FOXL1: variants seen among roughly 807,000 people sequenced by gnomAD.
FOXL1 encodes the protein forkhead box protein L1.
Under a neutral mutation model 1.7 loss-of-function variants are expected in FOXL1, and 2 were observed. The observed-to-expected ratio is 1.21, with a 90% confidence interval of 0.49 to 3.80. The LOEUF is 3.80. FOXL1 is among the 30% of genes most tolerant of loss of function. The pLI is 0.07. For synonymous variants in FOXL1, 280 were observed against 229.3 expected (o/e 1.22, Z -2.00); for missense variants, 565 against 495.8 (o/e 1.14, Z -1.32).
At position 86,581,165 on chromosome 16, in the gene FOXL1, C is replaced by T. The variant is rs1597407024; in HGVS notation, c.*1404C>T. 1 of 167,068 alleles carries T rather than the reference C, an allele frequency of 6.0e-6. No homozygotes were observed. Among genetic ancestry groups the T allele is most frequent in the South Asian group, 2.1e-4 (1 of 4,836 alleles). The allele number at this position is 167,068 out of a possible 1,614,324, so 10.3% of individuals were successfully genotyped here. On this transcript the variant is annotated 3_prime_UTR_variant, in exon 1 of 1. Transcript: ENST00000320241. ...CTTGCAGCTTCCGGGGAAATGCAAC[C>T]GACCTCTATGCCATCTCTAGCTGGG...
At position 86,579,151 on chromosome 16, in the gene FOXL1, G is replaced by C. The variant is rs1376020746; in HGVS notation, c.428G>C (p.Arg143Thr). The change falls in exon 1 of 1, where the codon AGG (arginine) becomes ACG (threonine). Residue 143 changes from arginine (R) to threonine (T), a missense_variant. Coordinates refer to ENST00000320241, the MANE Select transcript of FOXL1 (RefSeq NM_005250.3). ...FENGNYRRRK[R>T]KPKPGPGAPE... Reference sequence around the variant, plus strand: ...AACGGCAACTACCGGCGCCGGAAGAGGAAGCCCAAGCCGGGCCCCGGGGCC... The same window carrying C: ...AACGGCAACTACCGGCGCCGGAAGACGAAGCCCAAGCCGGGCCCCGGGGCC... 2.5e-6 allele frequency: 4 copies of C among 1,612,392 alleles called. No homozygotes were observed. Among genetic ancestry groups the C allele is most frequent in the Non-Finnish European group, 3.4e-6 (4 of 1,179,658 alleles).
At position 86,579,594 on chromosome 16, in the gene FOXL1, G is replaced by C. The variant is rs746853317; in HGVS notation, c.871G>C (p.Gly291Arg). ...LLGGAKPGPGGRLGASLLAAS... is the reference protein window; with the variant it reads ...LLGGAKPGPGRRLGASLLAAS... Reference sequence around the variant, plus strand: ...AGGGGGTGCCAAGCCTGGGCCCGGCGGCCGTCTGGGTGCCTCGCTCCTGGC... The same window carrying C: ...AGGGGGTGCCAAGCCTGGGCCCGGCCGCCGTCTGGGTGCCTCGCTCCTGGC... Residue 291 changes from glycine to arginine, a missense_variant, in exon 1 of 1, where the codon GGC (glycine) becomes CGC (arginine). By Grantham distance (125) the Gly-to-Arg change is moderately radical. Coordinates refer to ENST00000320241, the MANE Select transcript of FOXL1 (RefSeq NM_005250.3). 6.2e-7 allele frequency: 1 copy of C among 1,613,134 alleles called. No individual in the cohort carries two copies. The highest frequency in any genetic ancestry group is 1.3e-5 in the African/African-American group (1 of 75,068).
rs547271756 is a variant in FOXL1, at chr16:86,581,073, G to C, written c.*1312G>C. The C allele has an allele frequency of 1.8e-5, 3 of 167,190 alleles. No individual in the cohort carries two copies. Among genetic ancestry groups the C allele is most frequent in the Non-Finnish European group, 2.9e-5 (2 of 68,104 alleles). 10.4% of individuals were successfully genotyped at this position (167,190 alleles called of 1,614,324 possible). On this transcript the variant is annotated 3_prime_UTR_variant, in exon 1 of 1. Transcript: ENST00000320241. The stretch of plus-strand genomic sequence containing the variant: ...CTTAAAGAGGTGACTGGCAGTCTGG[G>C]GAGGGGAGAAGAGGTCTGCAACGAA...
At position 86,578,685 on chromosome 16, in the gene FOXL1, C is replaced by G. The variant is rs1433644525; in HGVS notation, c.-39C>G. 1.9e-6 allele frequency: 3 copies of G among 1,549,858 alleles called. No homozygotes were observed. The highest frequency in any genetic ancestry group is 1.7e-6 in the Non-Finnish European group (2 of 1,145,984). ...CGCAGTGCCTAGGCCGCCCGGGTCT[C>G]CTGCGTTGCGGGGAGCGCAGCGCAG... On this transcript the variant is annotated 5_prime_UTR_variant, in exon 1 of 1. Coordinates refer to ENST00000320241, the MANE Select transcript of FOXL1 (RefSeq NM_005250.3).
chr16:86,579,146 G>A lies in FOXL1; in HGVS notation c.423G>A (p.Arg141=), dbSNP rs1974376801. 1 of 1,612,840 alleles carries A rather than the reference G, an allele frequency of 6.2e-7. No individual in the cohort carries two copies. The highest frequency in any genetic ancestry group is 8.5e-7 in the Non-Finnish European group (1 of 1,179,844). ...DMFENGNYRR[R]KRKPKPGPGA... is the part of the protein sequence containing the mutation. Reference sequence around the variant, plus strand: ...TTGAGAACGGCAACTACCGGCGCCGGAAGAGGAAGCCCAAGCCGGGCCCCG... The same window carrying A: ...TTGAGAACGGCAACTACCGGCGCCGAAAGAGGAAGCCCAAGCCGGGCCCCG... The change falls in exon 1 of 1, where the codon CGG becomes CGA. Residue 141 remains arginine (R), a synonymous_variant. Coordinates refer to ENST00000320241, the MANE Select transcript of FOXL1 (RefSeq NM_005250.3).
Position 86,579,252 on chromosome 16 carries a change from G to C in FOXL1, c.529G>C (p.Gly177Arg). The change falls in exon 1 of 1, where the codon GGG (glycine) becomes CGG (arginine). Residue 177 changes from glycine (G) to arginine (R), a missense_variant. Physicochemically the swap from Gly to Arg is moderately radical, Grantham distance 125. Transcript: ENST00000320241. ...EAQPEAGSGAGGSGPAISRLQ... is the reference protein window; with the variant it reads ...EAQPEAGSGARGSGPAISRLQ... ...GCAGCCGGAGGCGGGGAGCGGGGCA[G>C]GGGGCTCGGGCCCCGCAATCTCCCG... The C allele has an allele frequency of 6.9e-7, 1 of 1,456,184 alleles. No individual in the cohort carries two copies. Among genetic ancestry groups the C allele is most frequent in the Non-Finnish European group, 9.0e-7 (1 of 1,113,386 alleles). 90.2% of individuals were successfully genotyped at this position (1,456,184 alleles called of 1,614,324 possible).
In FOXL1 at chr16:86,580,611, G is replaced by C. The variant is rs7184856; in HGVS notation, c.*850G>C. 0.18 allele frequency: 29,831 copies of C among 166,152 alleles called. 3,397 individuals carry two copies. Among genetic ancestry groups the C allele is most frequent in the African/African-American group, 0.34 (13,900 of 41,400 alleles). 10.3% of individuals were successfully genotyped at this position (166,152 alleles called of 1,614,324 possible). A position where few individuals can be genotyped will look rare whatever the true frequency, so the allele number is the denominator to read the frequency against. On this transcript the variant is annotated 3_prime_UTR_variant, in exon 1 of 1. Coordinates refer to ENST00000320241, the MANE Select transcript of FOXL1 (RefSeq NM_005250.3). Reference sequence around the variant, plus strand: ...AGCCAATACACATGCAGCTATGTAAGCCACAACAGCAGACGTCCTATCCTT... The same window carrying C: ...AGCCAATACACATGCAGCTATGTAACCCACAACAGCAGACGTCCTATCCTT...
chr16:86,581,116 T>G lies in FOXL1; in HGVS notation c.*1355T>G, dbSNP rs1974408762. 1 of 167,016 alleles carries G rather than the reference T, an allele frequency of 6.0e-6. No homozygotes were observed. The allele number at this position is 167,016 out of a possible 1,614,324, so 10.3% of individuals were successfully genotyped here. On this transcript the variant is annotated 3_prime_UTR_variant, in exon 1 of 1. Coordinates refer to ENST00000320241, the MANE Select transcript of FOXL1 (RefSeq NM_005250.3). ...GCAACGAAAATCTAATTAAGAACAT[T>G]GAGATGTTCACAACCAAGTTCAGCT...
In FOXL1 at chr16:86,580,193, C is replaced by T. The variant is rs1264511804; in HGVS notation, c.*432C>T. 5.6e-6 allele frequency: 1 copy of T among 179,962 alleles called. No individual in the cohort carries two copies. Among genetic ancestry groups the T allele is most frequent in the Non-Finnish European group, 1.3e-5 (1 of 75,656 alleles). 11.1% of individuals were successfully genotyped at this position (179,962 alleles called of 1,614,324 possible). The stretch of plus-strand genomic sequence containing the variant: ...TTTCGACCGGGGACCCCCGTATGAC[C>T]GTCGCCTGCTTCGCTGTTGCCGTGT... On this transcript the variant is annotated 3_prime_UTR_variant, in exon 1 of 1. Coordinates refer to ENST00000320241, the MANE Select transcript of FOXL1 (RefSeq NM_005250.3).
rs1974434181 is a variant in FOXL1 at position 86,583,271 on chromosome 16, C to T, written c.*3510C>T. ...CCAGACCCTGGCAGGTTAATGTTAA[C>T]ATCACAAAGGTAGGTGACGTTTCCA... On this transcript the variant is annotated 3_prime_UTR_variant, in exon 1 of 1. Coordinates refer to ENST00000320241, the MANE Select transcript of FOXL1 (RefSeq NM_005250.3). Among the ~76,000 whole-genome samples, 1 of 151,890 alleles carries T rather than the reference C, an allele frequency of 6.6e-6. No individual in the cohort carries two copies. The highest frequency in any genetic ancestry group is 1.5e-5 in the Non-Finnish European group (1 of 67,992).
At position 86,578,921 on chromosome 16, in the gene FOXL1, C is replaced by T. The variant is rs753643668; in HGVS notation, c.198C>T (p.Pro66=). ...ALIAMAIQDA[P]EQRVTLNGIY... ...TCGCCATGGCGATCCAGGACGCGCC[C>T]GAGCAGAGGGTCACGCTCAACGGCA... Residue 66 remains proline, a synonymous_variant, in exon 1 of 1, where the codon CCC becomes CCT. Transcript: ENST00000320241. The T allele has an allele frequency of 6.2e-7, 1 of 1,614,186 alleles. No individual in the cohort carries two copies. The highest frequency in any genetic ancestry group is 2.2e-5 in the East Asian group (1 of 44,866).
Position 86,581,907 on chromosome 16 carries a change from G to A in FOXL1, c.*2146G>A, listed in dbSNP as rs1053969189. Reference sequence around the variant, plus strand: ...GAAAGCACGATGAGTTAATTCTGCCGTATTGAATCGGTTTTTAATCTTTCC... The same window carrying A: ...GAAAGCACGATGAGTTAATTCTGCCATATTGAATCGGTTTTTAATCTTTCC... On this transcript the variant is annotated 3_prime_UTR_variant, in exon 1 of 1. Coordinates refer to ENST00000320241, the MANE Select transcript of FOXL1 (RefSeq NM_005250.3). 5.3e-4 allele frequency: 81 copies of A among 153,510 alleles called. No individual in the cohort carries two copies. The highest frequency in any genetic ancestry group is 5.9e-5 in the Non-Finnish European group (4 of 68,022). 9.5% of individuals were successfully genotyped at this position (153,510 alleles called of 1,614,324 possible). A position where few individuals can be genotyped will look rare whatever the true frequency, so the allele number is the denominator to read the frequency against.
In FOXL1 at chr16:86,583,304, G is replaced by C. The variant is rs1430449852; in HGVS notation, c.*3543G>C. Reference sequence around the variant, plus strand: ...AGGTAGGTGACGTTTCCAGTAACCAGCTGCACCCAGGAGTGAGAAAATAAG... The same window carrying C: ...AGGTAGGTGACGTTTCCAGTAACCACCTGCACCCAGGAGTGAGAAAATAAG... On this transcript the variant is annotated 3_prime_UTR_variant, in exon 1 of 1. Transcript: ENST00000320241. Among the ~76,000 whole-genome samples, 1 of 151,922 alleles carries C rather than the reference G, an allele frequency of 6.6e-6. No individual in the cohort carries two copies. The highest frequency in any genetic ancestry group is 6.6e-5 in the Admixed American group (1 of 15,252).
chr16:86,580,687 G>T lies in FOXL1; in HGVS notation c.*926G>T. 6.0e-6 allele frequency: 1 copy of T among 167,170 alleles called. No individual in the cohort carries two copies. The allele number at this position is 167,170 out of a possible 1,614,324, so 10.4% of individuals were successfully genotyped here. A position where few individuals can be genotyped will look rare whatever the true frequency, so the allele number is the denominator to read the frequency against. ...ATATTTCAAGGGATACCATGAGGAA[G>T]GGTGTGAGGGGAAGGGGATATGCCT... is the stretch of plus-strand genomic sequence containing the variant. On this transcript the variant is annotated 3_prime_UTR_variant, in exon 1 of 1. Coordinates refer to ENST00000320241, the MANE Select transcript of FOXL1 (RefSeq NM_005250.3).
Position 86,578,892 on chromosome 16 carries a change from C to T in FOXL1, c.169C>T (p.Leu57Phe). 6.2e-7 allele frequency: 1 copy of T among 1,614,178 alleles called. No homozygotes were observed. Among genetic ancestry groups the T allele is most frequent in the Non-Finnish European group, 8.5e-7 (1 of 1,180,008 alleles). ...PQKPPYSYIA[L>F]IAMAIQDAPE... Reference sequence around the variant, plus strand: ...GAAGCCTCCCTACAGCTACATCGCGCTCATCGCCATGGCGATCCAGGACGC... The same window carrying T: ...GAAGCCTCCCTACAGCTACATCGCGTTCATCGCCATGGCGATCCAGGACGC... The change falls in exon 1 of 1, where the codon CTC becomes TTC. Residue 57 changes from leucine to phenylalanine, a missense_variant. Leu to Phe is a conservative substitution (Grantham distance 22, BLOSUM62 0). Transcript: ENST00000320241.
chr16:86,578,844 T>C lies in FOXL1; in HGVS notation c.121T>C (p.Ser41Pro). 1 of 1,613,748 alleles carries C rather than the reference T, an allele frequency of 6.2e-7. No individual in the cohort carries two copies. The highest frequency in any genetic ancestry group is 2.2e-5 in the East Asian group (1 of 44,852). The change falls in exon 1 of 1, where the codon TCG becomes CCG. Residue 41 changes from serine (S) to proline (P), a missense_variant. Physicochemically the swap from Ser to Pro is moderately conservative, Grantham distance 74. Transcript: ENST00000320241. ...CGCCCCCGCGGCTGCTCTAGCTGCC[T>C]CGGGCCGGGCCGAGACCCCGCAGAA... ...AFAPAAALAASGRAETPQKPP... is the reference protein window; with the variant it reads ...AFAPAAALAAPGRAETPQKPP...
Position 86,579,844 on chromosome 16 carries a change from T to C in FOXL1, c.*83T>C. 7.6e-7 allele frequency: 1 copy of C among 1,316,962 alleles called. No homozygotes were observed. Among genetic ancestry groups the C allele is most frequent in the African/African-American group, 1.5e-5 (1 of 68,352 alleles). The allele number at this position is 1,316,962 out of a possible 1,614,324, so 81.6% of individuals were successfully genotyped here. A position where few individuals can be genotyped will look rare whatever the true frequency, so the allele number is the denominator to read the frequency against. Reference sequence around the variant, plus strand: ...GCCACAGCTCCCACCGGCGGAGGATTTTAAAATGATCTTTGCCTGGGTCGG... The same window carrying C: ...GCCACAGCTCCCACCGGCGGAGGATCTTAAAATGATCTTTGCCTGGGTCGG... On this transcript the variant is annotated 3_prime_UTR_variant, in exon 1 of 1. Transcript: ENST00000320241.
rs1974408720 is a variant in FOXL1, at chr16:86,581,115, T to C, written c.*1354T>C. 2 of 167,068 alleles carry C rather than the reference T, an allele frequency of 1.2e-5. No individual in the cohort carries two copies. The highest frequency in any genetic ancestry group is 4.8e-5 in the African/African-American group (2 of 41,452). 10.3% of individuals were successfully genotyped at this position (167,068 alleles called of 1,614,324 possible). On this transcript the variant is annotated 3_prime_UTR_variant, in exon 1 of 1. Transcript: ENST00000320241. ...TGCAACGAAAATCTAATTAAGAACA[T>C]TGAGATGTTCACAACCAAGTTCAGC...
rs773325629 is a variant in FOXL1, at chr16:86,579,005, G to C, written c.282G>C (p.Gln94His). ...PFYHDNRQGW[Q>H]NSIRHNLSLN... ...ACCACGACAACCGGCAGGGCTGGCAGAACAGCATCCGCCACAACCTCTCGC... is the reference window on the plus strand; with the variant it reads ...ACCACGACAACCGGCAGGGCTGGCACAACAGCATCCGCCACAACCTCTCGC... The change falls in exon 1 of 1, where the codon CAG (glutamine) becomes CAC (histidine). Residue 94 changes from glutamine to histidine, a missense_variant. Physicochemically the swap from Gln to His is conservative, Grantham distance 24. Coordinates refer to ENST00000320241, the MANE Select transcript of FOXL1 (RefSeq NM_005250.3). 1 of 1,613,974 alleles carries C rather than the reference G, an allele frequency of 6.2e-7. No individual in the cohort carries two copies. The highest frequency in any genetic ancestry group is 1.3e-5 in the African/African-American group (1 of 74,940).
Sources: gnomAD v4.1 joint callset for allele counts (sites outside exome capture counted in the v4.1 genomes callset) on GRCh38, gnomAD v4.1.1 for gene constraint, MANE v1.5 for transcripts, NCBI Gene and HGNC (gene_info 2026-07-23, HGNC 2026-07-21) for gene names.